POLN: variants seen among roughly 807,000 people sequenced by gnomAD.
The protein encoded by POLN is DNA polymerase N.
Under a neutral mutation model 113.5 loss-of-function variants are expected in POLN, and 108 were observed. That is an observed-to-expected ratio of 0.95 (90% CI 0.81 to 1.12). The LOEUF (loss-of-function observed/expected upper bound fraction) is 1.12, where lower values mean the gene tolerates loss of function less well. POLN is among the 50% of genes most tolerant of loss of function. The pLI, the probability that POLN is intolerant of heterozygous loss-of-function variation, is 0.00. For synonymous variants in POLN, 386 were observed against 391.5 expected, an observed-to-expected ratio of 0.99 and a Z score of 0.17; for missense variants, 1,097 against 1,077.1, an observed-to-expected ratio of 1.02 and a Z score of -0.26.
At chr4:2,142,812 A>G (rs978607745) in intron 16 of POLN, among the ~76,000 whole-genome samples, 8 of 152,072 alleles carry the variant, frequency 5.3e-5, no homozygotes, top group Non-Finnish European at 7.4e-5. Flanking sequence ...AAAACCCGTG[A>G]TTGTGGTTTT....
At chr4:2,219,624 C>T (rs1734205591) in intron 3 of POLN, among the ~76,000 whole-genome samples, 1 of 152,178 alleles carries the variant, frequency 6.6e-6, no homozygotes, top group South Asian at 2.1e-4. Context: ...CCCACTCCCT[C>T]ATCAGCTTTC....
At chr4:2,104,377 T>C (rs1393951199) in intron 19 of POLN, among the ~76,000 whole-genome samples, 1 of 152,230 alleles carries the variant, frequency 6.6e-6, no homozygotes, top group Non-Finnish European at 1.5e-5. Flanking sequence ...TGTGTGGACA[T>C]ATGTTTCCAT....
At chr4:2,180,987 C>G (rs1367757900) in intron 7 of POLN, among the ~76,000 whole-genome samples, 1 of 151,184 alleles carries the variant, frequency 6.6e-6, no homozygotes, top group African/African-American at 2.4e-5. Flanking sequence ...AAAAATTATA[C>G]AAAGAAATGA....
intron 7 of POLN, among the ~76,000 whole-genome samples, chr4:2,185,082 T>A (rs1428315622): frequency 1.3e-5 from 2 of 152,320 alleles, no homozygotes; most frequent in East Asian, 3.9e-4. Flanking sequence ...GAAGAAAGCA[T>A]AATAGATCTT....
intron 23 of POLN, among the ~76,000 whole-genome samples, chr4:2,075,972 C>T (rs754240010): frequency 3.5e-4 from 54 of 152,194 alleles, no homozygotes; most frequent in Non-Finnish European, 7.1e-4. Context: ...TGGGCCGAGC[C>T]TCGAACAACA....
intron 19 of POLN, among the ~76,000 whole-genome samples, chr4:2,123,837 A>C (rs1211433036): frequency 6.6e-6 from 1 of 151,810 alleles, no homozygotes; most frequent in East Asian, 1.9e-4. Context: ...CAAAACCAAA[A>C]CCAAACCTGT....
At chr4:2,075,185 G>C (rs955498799) in intron 24 of POLN, among the ~76,000 whole-genome samples, 1 of 152,236 alleles carries the variant, frequency 6.6e-6, no homozygotes, top group Non-Finnish European at 1.5e-5. Context: ...TGCAGCTGCT[G>C]TCTGCAGTTC....
intron 21 of POLN, among the ~76,000 whole-genome samples, chr4:2,083,427 T>C (rs1403771982): frequency 1.3e-5 from 2 of 152,226 alleles, no homozygotes; most frequent in Non-Finnish European, 2.9e-5. Flanking sequence ...ACCCACTGTC[T>C]AGTGTTGGAA....
intron 19 of POLN, among the ~76,000 whole-genome samples, chr4:2,106,151 G>GA (rs201247686): frequency 1.2e-3 from 175 of 149,602 alleles, no homozygotes; most frequent in African/African-American, 3.6e-3. Flanking sequence ...TCTTCATAAT[G>GA]AAAAAAAAAT....
intron 19 of POLN, among the ~76,000 whole-genome samples, chr4:2,117,459 G>A (rs1192739193): frequency 6.6e-6 from 1 of 152,108 alleles, no homozygotes; most frequent in Non-Finnish European, 1.5e-5. Flanking sequence ...ATCTTATCAG[G>A]GCAGCAGGCT....
intron 19 of POLN, among the ~76,000 whole-genome samples, chr4:2,113,075 T>C (rs1162286709): frequency 6.6e-6 from 1 of 151,994 alleles, no homozygotes; most frequent in Non-Finnish European, 1.5e-5. Context: ...GATGAGTTCA[T>C]GTCCTTTGTA....
At chr4:2,088,740 TAG>T in intron 20 of POLN, 2 of 1,195,138 alleles carry the variant, frequency 1.7e-6, no homozygotes, top group Non-Finnish European at 2.3e-6. Context: ...TTTTTTTTAT[TAG>T]CTTTTACAAT....
Position 2,072,033 on chromosome 4 carries a change from GC to G in POLN, c.*80del. ...CCCCAAAGGGTTAATGCGTCCTGGGGCGTACAGAGCTGGTGACCTTGGGGAA... is the reference window on the plus strand; with the variant it reads ...CCCCAAAGGGTTAATGCGTCCTGGGGGTACAGAGCTGGTGACCTTGGGGAA... On this transcript the variant is annotated 3_prime_UTR_variant, in exon 26 of 26. Transcript: ENST00000511885. 6.7e-7 allele frequency: 1 copy of G among 1,489,130 alleles called. No homozygotes were observed. The highest frequency in any genetic ancestry group is 9.4e-7 in the Non-Finnish European group (1 of 1,067,324). 92.2% of individuals were successfully genotyped at this position (1,489,130 alleles called of 1,614,324 possible).
chr4:2,087,738 T>G (rs990171042), intron 20 of POLN, among the ~76,000 whole-genome samples: 2 of 152,238 alleles, frequency 1.3e-5, no homozygotes, highest in Non-Finnish European at 2.9e-5. Flanking sequence ...TAAGCTATTC[T>G]GTTTCTTCCT....
chr4:2,095,799 G>T, intron 20 of POLN, 52 bp downstream of exon 20: 1 of 1,508,682 alleles, frequency 6.6e-7, no homozygotes, highest in Non-Finnish European at 9.2e-7. Context: ...CAGGCACACA[G>T]CTGCCAGCTT....
chr4:2,082,129 T>C (rs1046661042), intron 21 of POLN, among the ~76,000 whole-genome samples: 4 of 151,868 alleles, frequency 2.6e-5, no homozygotes, highest in Non-Finnish European at 5.9e-5. Context: ...TAATTTTTTG[T>C]ATTTGTAGTA....
chr4:2,103,147 G>C (rs1453102951), intron 19 of POLN, among the ~76,000 whole-genome samples: 1 of 151,986 alleles, frequency 6.6e-6, no homozygotes. Flanking sequence ...AGATGCAAGA[G>C]AAATCTGGAA....
chr4:2,146,906 T>C (rs1254960944), intron 16 of POLN, among the ~76,000 whole-genome samples: 1 of 152,092 alleles, frequency 6.6e-6, no homozygotes, highest in Non-Finnish European at 1.5e-5. Flanking sequence ...CCATCCCAGC[T>C]AGATACTAAA....
At chr4:2,091,763 G>GTC in intron 20 of POLN, among the ~76,000 whole-genome samples, 1 of 100,874 alleles carries the variant, frequency 9.9e-6, no homozygotes, top group Non-Finnish European at 1.8e-5. Context: ...ACGTGAATCT[G>GTC]TGTGTGTGTG....
Sources: gnomAD v4.1 joint callset for allele counts (sites outside exome capture counted in the v4.1 genomes callset) on GRCh38, gnomAD v4.1.1 for gene constraint, MANE v1.5 for transcripts, NCBI Gene and HGNC (gene_info 2026-07-23, HGNC 2026-07-21) for gene names.